The following NAP1L4 variants were observed in gnomAD, a reference collection of about 807,000 sequenced individuals.
The protein encoded by NAP1L4 is nucleosome assembly protein 1-like 4.
A neutral mutation model predicts 58.2 loss-of-function variants in NAP1L4; 15 were observed. That is an observed-to-expected ratio of 0.26 (90% CI 0.17 to 0.40). NAP1L4 has a LOEUF of 0.40. Ranked by LOEUF, NAP1L4 falls within the 10% of genes least tolerant of loss-of-function variation. The probability of loss-of-function intolerance (pLI) is 1.00; values close to 1 mark genes in which losing one functional copy is unlikely to be tolerated. For synonymous variants in NAP1L4, 171 were observed against 155.6 expected, an observed-to-expected ratio of 1.10 and a Z score of -0.74; for missense variants, 384 against 451.1, an observed-to-expected ratio of 0.85 and a Z score of 1.35.
chr11:2,978,155 CATTTT>C lies in NAP1L4; in HGVS notation c.73+124_73+128del, dbSNP rs569840083. 3.0e-4 allele frequency: 246 copies of C among 809,634 alleles called. No individual in the cohort carries two copies. In the African/African-American group the frequency reaches 3.8e-3, roughly 12 times the overall value. The allele number at this position is 809,634 out of a possible 1,614,324, so 50.2% of individuals were successfully genotyped here. The stretch of plus-strand genomic sequence containing the variant: ...TTTTGTTAATGAGATACTGATTTTT[CATTTT>C]AATTACTCTAGCTTTCCTAAAACCA... On this transcript the variant is annotated intron_variant, in intron 3 of 15. Transcript: ENST00000380542.
intron 7 of NAP1L4, among the ~76,000 whole-genome samples, chr11:2,965,375 C>A (rs1403799303): frequency 6.6e-6 from 1 of 152,198 alleles, no homozygotes; most frequent in African/African-American, 2.4e-5. Flanking sequence ...TGGGACTGTA[C>A]TGAATACTGG....
At chr11:2,978,386 T>C (rs772989379) in intron 2 of NAP1L4, 44 bp from the exon 3 acceptor site, 1 of 1,553,132 alleles carries the variant, frequency 6.4e-7, no homozygotes, top group Non-Finnish European at 8.9e-7. Flanking sequence ...TAAAGAAAGT[T>C]CCAAAGACAT....
Position 2,987,349 on chromosome 11 carries a change from G to T in NAP1L4, c.-18+4905C>A, listed in dbSNP as rs375796221. Reference sequence around the variant, plus strand: ...GTGGAGTCTCGCTCTGTCACCCAAGGCGGGAGAGGGTCTCAAACTCCTGAC... The same window carrying T: ...GTGGAGTCTCGCTCTGTCACCCAAGTCGGGAGAGGGTCTCAAACTCCTGAC... On this transcript the variant is annotated intron_variant, in intron 1 of 15. Coordinates refer to ENST00000380542, the MANE Select transcript of NAP1L4 (RefSeq NM_005969.4). Among the ~76,000 whole-genome samples, 8 of 151,782 alleles carry T rather than the reference G, an allele frequency of 5.3e-5. No individual in the cohort carries two copies. The South Asian group carries it at 1.0e-3, about 20-fold the overall frequency.
chr11:2,951,189 T>C lies in NAP1L4; in HGVS notation c.1122+70A>G. ...TATTGTTAACACTACTGCCTCAAAG[T>C]GGGGAACATTTTTAAAAGTCTAAGA... On this transcript the variant is annotated intron_variant, in intron 14 of 15. Transcript: ENST00000380542. This position sits in a 1 kb window ranked among gnomAD's most constrained non-coding sequence, Gnocchi z 4.0. 8.1e-7 allele frequency: 1 copy of C among 1,228,622 alleles called. No homozygotes were observed. Among genetic ancestry groups the C allele is most frequent in the Non-Finnish European group, 1.2e-6 (1 of 841,282 alleles). 76.1% of individuals were successfully genotyped at this position (1,228,622 alleles called of 1,614,324 possible).
Position 2,954,616 on chromosome 11 carries a change from C to G in NAP1L4, c.946G>C (p.Asp316His). ...CGGAAAAAGTGTCCAATTTCAAAAT[C>G]AGAGGCTAATGTGAATTCAGAATCT... ...DEDSEFTLAS[D>H]FEIGHFFRER... The change falls in exon 12 of 16, where the codon GAT (aspartate) becomes CAT (histidine). Residue 316 changes from aspartate (D) to histidine (H), a missense_variant. Asp to His is a moderately conservative substitution (Grantham distance 81). This residue lies in a region of NAP1L4 where 296 missense variants were observed against 360.8 expected (regional missense o/e 0.82). Transcript: ENST00000380542. The surrounding 1 kb of genome is among the most constrained non-coding windows in gnomAD (Gnocchi z 4.8). The G allele has an allele frequency of 6.2e-7, 1 of 1,614,220 alleles. No individual in the cohort carries two copies. Among genetic ancestry groups the G allele is most frequent in the Middle Eastern group, 1.6e-4 (1 of 6,062 alleles).
At chr11:2,961,341 G>C (rs1205487267) in intron 8 of NAP1L4, among the ~76,000 whole-genome samples, 4 of 152,058 alleles carry the variant, frequency 2.6e-5, no homozygotes, top group African/African-American at 9.7e-5. Context: ...CTCTCCACTG[G>C]CCTTGGCAAG....
Position 2,959,492 on chromosome 11 carries a change from T to A in NAP1L4, c.746+278A>T, listed in dbSNP as rs2071115. Reference sequence around the variant, plus strand: ...ACTTCAATTCACGATGTCTAGAGAATCCACTACTTTCATTAAAATGAAGAA... The same window carrying A: ...ACTTCAATTCACGATGTCTAGAGAAACCACTACTTTCATTAAAATGAAGAA... On this transcript the variant is annotated intron_variant, in intron 9 of 15. Transcript: ENST00000380542. The surrounding 1 kb of genome is among the most constrained non-coding windows in gnomAD (Gnocchi z 4.9). Among the ~76,000 whole-genome samples, 1 of 152,064 alleles carries A rather than the reference T, an allele frequency of 6.6e-6. No homozygotes were observed. Among genetic ancestry groups the A allele is most frequent in the Non-Finnish European group, 1.5e-5 (1 of 67,998 alleles).
chr11:2,976,231 A>T, intron 3 of NAP1L4, 108 bp from the exon 4 acceptor site: 1 of 704,106 alleles, frequency 1.4e-6, no homozygotes, highest in Non-Finnish European at 2.3e-6. Flanking sequence ...ATTTACATCT[A>T]CTAATTTCTA....
In NAP1L4 at chr11:2,949,478, CCCTT is replaced by C. The variant is rs1846111837; in HGVS notation, c.1123-218_1123-215del. Among the ~76,000 whole-genome samples the C allele has an allele frequency of 6.6e-6, 1 of 152,208 alleles. No homozygotes were observed. Among genetic ancestry groups the C allele is most frequent in the Admixed American group, 6.5e-5 (1 of 15,278 alleles). On this transcript the variant is annotated intron_variant, in intron 14 of 15. Coordinates refer to ENST00000380542, the MANE Select transcript of NAP1L4 (RefSeq NM_005969.4). The surrounding 1 kb of genome is among the most constrained non-coding windows in gnomAD (Gnocchi z 4.0). ...CAGACTGCTCCCAATACTAAAACCT[CCCTT>C]CCTTCCTTGTTTTCTTTTGCTTGCA...
chr11:2,963,358 G>A (rs185437870), intron 8 of NAP1L4, among the ~76,000 whole-genome samples: 3 of 152,082 alleles, frequency 2.0e-5, no homozygotes, highest in Admixed American at 2.0e-4. Context: ...CTGTGATAAA[G>A]TCTAAACAGA....
Position 2,955,130 on chromosome 11 carries a change from C to T in NAP1L4, c.916-484G>A, listed in dbSNP as rs1345385794. Among the ~76,000 whole-genome samples the T allele has an allele frequency of 6.6e-6, 1 of 152,040 alleles. No individual in the cohort carries two copies. The highest frequency in any genetic ancestry group is 1.5e-5 in the Non-Finnish European group (1 of 68,020). ...GGAGGGCAGTGGTGCAATCACAGCT[C>T]ACTCCAGCCTCAAGCTCCTGGGCCC... On this transcript the variant is annotated intron_variant, in intron 11 of 15. Coordinates refer to ENST00000380542, the MANE Select transcript of NAP1L4 (RefSeq NM_005969.4). The surrounding 1 kb of genome is among the most constrained non-coding windows in gnomAD (Gnocchi z 4.2).
chr11:2,981,694 G>C (rs573326391), intron 1 of NAP1L4: 1 of 152,174 alleles, frequency 6.6e-6, no homozygotes, highest in African/African-American at 2.4e-5. Flanking sequence ...GGGCATGGTG[G>C]CACACGCCTG....
chr11:2,947,767 A>T (rs1442667191), intron 15 of NAP1L4, among the ~76,000 whole-genome samples: 2 of 152,236 alleles, frequency 1.3e-5, no homozygotes, highest in Non-Finnish European at 2.9e-5. Context: ...AATAGGAAAA[A>T]AATCTCATCT....
intron 1 of NAP1L4, among the ~76,000 whole-genome samples, chr11:2,983,028 A>G (rs539998065): frequency 1.3e-5 from 2 of 152,194 alleles, no homozygotes; most frequent in East Asian, 3.9e-4. Context: ...TCAAAAAAAA[A>G]CAAAAAACAA....
rs146334084 is a variant in NAP1L4, at chr11:2,969,215, G to A, written c.534+588C>T. 3.2e-4 allele frequency among the ~76,000 whole-genome samples: 48 copies of A among 152,018 alleles called. 1 individual carries two copies. The East Asian group carries it at 8.7e-3, about 28-fold the overall frequency. Reference sequence around the variant, plus strand: ...GATGCTGCCCAGGCTGGTCTCAAACGATCTGCCTACCTTGACCTCCCAAAG... The same window carrying A: ...GATGCTGCCCAGGCTGGTCTCAAACAATCTGCCTACCTTGACCTCCCAAAG... On this transcript the variant is annotated intron_variant, in intron 7 of 15. Transcript: ENST00000380542.
rs1328605205 is a variant in NAP1L4 at position 2,971,873 on chromosome 11, G to A, written c.315+229C>T. Among the ~76,000 whole-genome samples, 3 of 152,104 alleles carry A rather than the reference G, an allele frequency of 2.0e-5. No individual in the cohort carries two copies. The highest frequency in any genetic ancestry group is 1.3e-4 in the Admixed American group (2 of 15,264). On this transcript the variant is annotated intron_variant, in intron 5 of 15. Coordinates refer to ENST00000380542, the MANE Select transcript of NAP1L4 (RefSeq NM_005969.4). The surrounding 1 kb of genome is among the most constrained non-coding windows in gnomAD (Gnocchi z 4.2). ...CTGTGTAGGGTTCAATACATTACGC[G>A]AGATACTCAGCACTTTATTATAAAA... is the stretch of plus-strand genomic sequence containing the variant.
rs1224644921 is a variant in NAP1L4, at chr11:2,971,179, A to G, written c.402+269T>C. On this transcript the variant is annotated intron_variant, in intron 6 of 15. Coordinates refer to ENST00000380542, the MANE Select transcript of NAP1L4 (RefSeq NM_005969.4). The surrounding 1 kb of genome is among the most constrained non-coding windows in gnomAD (Gnocchi z 4.2). ...CTCTTCTTCATCTTTGCTTTCTCTG[A>G]TGTTTTAATCTTTGTTGGTCTGATC... Among the ~76,000 whole-genome samples, 1 of 152,156 alleles carries G rather than the reference A, an allele frequency of 6.6e-6. No homozygotes were observed. The highest frequency in any genetic ancestry group is 2.4e-5 in the African/African-American group (1 of 41,436).
chr11:2,951,747 AG>A lies in NAP1L4; in HGVS notation c.1065+32del. 6.2e-7 allele frequency: 1 copy of A among 1,610,592 alleles called. No homozygotes were observed. Among genetic ancestry groups the A allele is most frequent in the Non-Finnish European group, 8.5e-7 (1 of 1,176,998 alleles). On this transcript the variant is annotated intron_variant, in intron 13 of 15. Transcript: ENST00000380542. The surrounding 1 kb of genome is among the most constrained non-coding windows in gnomAD (Gnocchi z 4.0). ...GAAAGCCAAAGAAACAACTTCAGGGAGGTAAGTGGCACTGCATAAACCTGTC... is the reference window on the plus strand; with the variant it reads ...GAAAGCCAAAGAAACAACTTCAGGGAGTAAGTGGCACTGCATAAACCTGTC...
At chr11:2,972,788 G>A (rs1335153379) in intron 4 of NAP1L4, among the ~76,000 whole-genome samples, 1 of 152,134 alleles carries the variant, frequency 6.6e-6, no homozygotes, top group African/African-American at 2.4e-5. Flanking sequence ...GAGCAATACA[G>A]CAAGACCTCT....
Sources: allele counts gnomAD v4.1 joint callset (sites outside exome capture counted in the v4.1 genomes callset), GRCh38; gene constraint gnomAD v4.1.1; regional missense constraint gnomAD v4.1.1; non-coding constraint Gnocchi (gnomAD v3.1); transcripts MANE v1.5; gene names NCBI Gene and HGNC (gene_info 2026-07-23, HGNC 2026-07-21).